Variants in TRIP13 observed in about 807,000 individuals in gnomAD.
The protein encoded by TRIP13 is thyroid hormone receptor interactor 13.
Under a neutral mutation model 54.4 loss-of-function variants are expected in TRIP13, and 25 were observed. The ratio of observed to expected loss-of-function variants is 0.46; its 90% CI spans 0.33 to 0.64. The LOEUF (loss-of-function observed/expected upper bound fraction) is 0.64, where lower values mean the gene tolerates loss of function less well. Ranked by LOEUF, TRIP13 falls within the 30% of genes least tolerant of loss-of-function variation. TRIP13 has a pLI of 0.02. For missense variants in TRIP13, 373 were observed against 534.2 expected, an observed-to-expected ratio of 0.70 and a Z score of 2.97; for synonymous variants, 207 against 207.8, an observed-to-expected ratio of 1.00 and a Z score of 0.03.
In TRIP13 at chr5:917,836, C is replaced by T. The variant is rs1388677203; in HGVS notation, c.*733C>T. 2.0e-5 allele frequency: 3 copies of T among 152,178 alleles called. No individual in the cohort carries two copies. Among genetic ancestry groups the T allele is most frequent in the African/African-American group, 4.8e-5 (2 of 41,484 alleles). 9.4% of individuals were successfully genotyped at this position (152,178 alleles called of 1,614,324 possible). Reference sequence around the variant, plus strand: ...GCCCACGGTTTTGTTTGTGCAATAACGTTATCACATTTCTAATGAGGATTC... The same window carrying T: ...GCCCACGGTTTTGTTTGTGCAATAATGTTATCACATTTCTAATGAGGATTC... On this transcript the variant is annotated 3_prime_UTR_variant, in exon 13 of 13. Coordinates refer to ENST00000166345, the MANE Select transcript of TRIP13 (RefSeq NM_004237.4).
Position 915,817 on chromosome 5 carries a change from A to G in TRIP13, c.1134-87A>G. The G allele has an allele frequency of 6.9e-7, 1 of 1,440,522 alleles. No individual in the cohort carries two copies. The highest frequency in any genetic ancestry group is 1.2e-5 in the South Asian group (1 of 86,868). 89.2% of individuals were successfully genotyped at this position (1,440,522 alleles called of 1,614,324 possible). On this transcript the variant is annotated intron_variant, in intron 11 of 12. Transcript: ENST00000166345. This position sits in a 1 kb window ranked among gnomAD's most constrained non-coding sequence, Gnocchi z 4.2. Reference sequence around the variant, plus strand: ...TTGGGACGCCTCGGCTTGTGTTCCCAGGGATGCCTCGGCCAATGAGGAAAA... The same window carrying G: ...TTGGGACGCCTCGGCTTGTGTTCCCGGGGATGCCTCGGCCAATGAGGAAAA...
intron 3 of TRIP13, among the ~76,000 whole-genome samples, chr5:900,064 A>G (rs1045622599): frequency 6.6e-6 from 1 of 152,278 alleles, no homozygotes; most frequent in African/African-American, 2.4e-5. Context: ...GTAAGTGGCT[A>G]TGATCATAAA....
Position 908,754 on chromosome 5 carries a change from T to G in TRIP13, c.866+293T>G. On this transcript the variant is annotated intron_variant, in intron 9 of 12. Transcript: ENST00000166345. This position sits in a 1 kb window ranked among gnomAD's most constrained non-coding sequence, Gnocchi z 5.2. ...CAGGCGGATCACAAGGTCAGTAGAT[T>G]GAGACCATCCTGGCTGACACGGTGA... The G allele has an allele frequency of 3.5e-6, 3 of 854,606 alleles. No homozygotes were observed. Among genetic ancestry groups the G allele is most frequent in the South Asian group, 2.1e-5 (1 of 46,586 alleles). 52.9% of individuals were successfully genotyped at this position (854,606 alleles called of 1,614,324 possible). A position where few individuals can be genotyped will look rare whatever the true frequency, so the allele number is the denominator to read the frequency against.
rs578223539 is a variant in TRIP13, at chr5:913,842, T to C, written c.1021-623T>C. Among the ~76,000 whole-genome samples, 1 of 152,318 alleles carries C rather than the reference T, an allele frequency of 6.6e-6. No individual in the cohort carries two copies. Among genetic ancestry groups the C allele is most frequent in the East Asian group, 1.9e-4 (1 of 5,184 alleles). ...ACAATGCTATTTTCTTCCTTCTCCT[T>C]GTTCCTGAGTCAGAACGGTTCGTAT... is the stretch of plus-strand genomic sequence containing the variant. On this transcript the variant is annotated intron_variant, in intron 10 of 12. Coordinates refer to ENST00000166345, the MANE Select transcript of TRIP13 (RefSeq NM_004237.4). The surrounding 1 kb of genome is among the most constrained non-coding windows in gnomAD (Gnocchi z 4.5).
intron 3 of TRIP13, 118 bp from the exon 4 acceptor site, chr5:900,376 T>C: frequency 1.0e-6 from 1 of 957,066 alleles, no homozygotes; most frequent in Non-Finnish European, 1.6e-6. Flanking sequence ...ATCAGAATCA[T>C]AGTCTTGCCT....
chr5:904,619 C>G (rs73020936), intron 6 of TRIP13, among the ~76,000 whole-genome samples: 4,639 of 152,192 alleles, frequency 0.03, 234 homozygotes, highest in African/African-American at 0.1. Flanking sequence ...ATCTGGGACT[C>G]TGTCTGCTTT....
Position 896,776 on chromosome 5 carries a change from C to T in TRIP13, c.370C>T (p.His124Tyr), listed in dbSNP as rs748615710. Residue 124 changes from histidine (H) to tyrosine (Y), a missense_variant, in exon 3 of 13, where the codon CAC (histidine) becomes TAC (tyrosine). Transcript: ENST00000166345. ...EETENIIAANHWVLPAAEFHG... is the reference protein window; with the variant it reads ...EETENIIAANYWVLPAAEFHG... ...GACAGAAAACATAATTGCAGCAAAT[C>T]ACTGGGTTCTACCTGCAGGTATGGG... 10 of 1,613,524 alleles carry T rather than the reference C, an allele frequency of 6.2e-6. No homozygotes were observed. The highest frequency in any genetic ancestry group is 1.7e-5 in the Admixed American group (1 of 59,994).
At chr5:916,794 G>C (rs916565622) in intron 12 of TRIP13, among the ~76,000 whole-genome samples, 6 of 152,192 alleles carry the variant, frequency 3.9e-5, no homozygotes, top group African/African-American at 1.2e-4. Context: ...GGCGGGGGCG[G>C]GGGTCACGTA....
At position 904,229 on chromosome 5, in the gene TRIP13, C is replaced by T. The variant is rs138877597; in HGVS notation, c.608+9C>T. On this transcript the variant is annotated intron_variant, in intron 6 of 12. Coordinates refer to ENST00000166345, the MANE Select transcript of TRIP13 (RefSeq NM_004237.4). ...ATTAGACTTTCAAGCAGGTAACTTT[C>T]GGTAATCTGTGAGAGGAGAGCCATG... 22 of 1,603,126 alleles carry T rather than the reference C, an allele frequency of 1.4e-5. No individual in the cohort carries two copies. The highest frequency in any genetic ancestry group is 2.3e-5 in the South Asian group (2 of 88,562).
At position 895,082 on chromosome 5, in the gene TRIP13, C is replaced by T. The variant is rs1753886769; in HGVS notation, c.258+130C>T. Reference sequence around the variant, plus strand: ...TTCTCTGTTGGTTTGGGTGGCTAGACAAGTTCTTTTCACTAGCTGTCAGGA... The same window carrying T: ...TTCTCTGTTGGTTTGGGTGGCTAGATAAGTTCTTTTCACTAGCTGTCAGGA... On this transcript the variant is annotated intron_variant, in intron 2 of 12. Transcript: ENST00000166345. 6.7e-6 allele frequency: 7 copies of T among 1,048,792 alleles called. 1 individual carries two copies. The highest frequency in any genetic ancestry group is 3.2e-5 in the African/African-American group (2 of 62,594). The allele number at this position is 1,048,792 out of a possible 1,614,324, so 65.0% of individuals were successfully genotyped here. A position where few individuals can be genotyped will look rare whatever the true frequency, so the allele number is the denominator to read the frequency against.
chr5:910,728 C>G lies in TRIP13; in HGVS notation c.867-1115C>G, dbSNP rs568148411. Among the ~76,000 whole-genome samples, 7 of 152,224 alleles carry G rather than the reference C, an allele frequency of 4.6e-5. No individual in the cohort carries two copies. The South Asian group carries it at 6.2e-4, about 14-fold the overall frequency. ...CTGTCCCCCACCAGTCCTGTCCACTCCCGCATCTCTGGATTGTCAGCCCCT... is the reference window on the plus strand; with the variant it reads ...CTGTCCCCCACCAGTCCTGTCCACTGCCGCATCTCTGGATTGTCAGCCCCT... On this transcript the variant is annotated intron_variant, in intron 9 of 12. Transcript: ENST00000166345.
At chr5:909,598 C>A (rs1287715463) in intron 9 of TRIP13, among the ~76,000 whole-genome samples, 1 of 152,202 alleles carries the variant, frequency 6.6e-6, no homozygotes, top group African/African-American at 2.4e-5. Context: ...TAAAGACACA[C>A]ACACACACAA....
In TRIP13 at chr5:916,983, C is replaced by A. The variant is rs374394649; in HGVS notation, c.1204-25C>A. 1.2e-5 allele frequency: 19 copies of A among 1,607,868 alleles called. No homozygotes were observed. The African/African-American group carries it at 2.1e-4, about 18-fold the overall frequency. ...CCCACCAAACGTGAGTTGAGCCCCT[C>A]CAGCAATGACCGTGTACCTTCTAGG... On this transcript the variant is annotated intron_variant, in intron 12 of 12. Transcript: ENST00000166345.
rs1225045384 is a variant in TRIP13, at chr5:913,210, C to T, written c.1020+1214C>T. Among the ~76,000 whole-genome samples, 1 of 152,210 alleles carries T rather than the reference C, an allele frequency of 6.6e-6. No homozygotes were observed. Among genetic ancestry groups the T allele is most frequent in the Non-Finnish European group, 1.5e-5 (1 of 68,044 alleles). The stretch of plus-strand genomic sequence containing the variant: ...CGAGGAAGTCGTGTGTGTTGGAGGT[C>T]CTCACGCACCTTCAGTGTGGGTTCC... On this transcript the variant is annotated intron_variant, in intron 10 of 12. Transcript: ENST00000166345. The surrounding 1 kb of genome is among the most constrained non-coding windows in gnomAD (Gnocchi z 4.5).
At position 908,553 on chromosome 5, in the gene TRIP13, G is replaced by A. The variant is rs1754165621; in HGVS notation, c.866+92G>A. 6.4e-7 allele frequency: 1 copy of A among 1,561,772 alleles called. No homozygotes were observed. The highest frequency in any genetic ancestry group is 8.7e-7 in the Non-Finnish European group (1 of 1,152,188). On this transcript the variant is annotated intron_variant, in intron 9 of 12. Coordinates refer to ENST00000166345, the MANE Select transcript of TRIP13 (RefSeq NM_004237.4). The surrounding 1 kb of genome is among the most constrained non-coding windows in gnomAD (Gnocchi z 5.2). ...TACTTGTGCAACCCTAGATCTTAGT[G>A]CCCAGCTCTTTCACCGGAAAGTGCA...
chr5:908,275 G>C lies in TRIP13; in HGVS notation c.760-80G>C. ...ACCCATTCATTCATCTTTTTCACGT[G>C]CTCAGCGGGACGTATCCCCATAGCT... On this transcript the variant is annotated intron_variant, in intron 8 of 12. Coordinates refer to ENST00000166345, the MANE Select transcript of TRIP13 (RefSeq NM_004237.4). This position sits in a 1 kb window ranked among gnomAD's most constrained non-coding sequence, Gnocchi z 5.2. The C allele has an allele frequency of 1.3e-6, 2 of 1,520,312 alleles. No homozygotes were observed. The highest frequency in any genetic ancestry group is 1.8e-6 in the Non-Finnish European group (2 of 1,106,298). 94.2% of individuals were successfully genotyped at this position (1,520,312 alleles called of 1,614,324 possible).
Position 911,788 on chromosome 5 carries a change from A to G in TRIP13, c.867-55A>G. 6.4e-7 allele frequency: 1 copy of G among 1,569,100 alleles called. No individual in the cohort carries two copies. Among genetic ancestry groups the G allele is most frequent in the Non-Finnish European group, 8.6e-7 (1 of 1,157,258 alleles). ...CTCCTTGCCAGATAGGGCAGGATAG[A>G]ATTGGGTCACCGACAGCCGTGATGA... On this transcript the variant is annotated intron_variant, in intron 9 of 12. Transcript: ENST00000166345. The surrounding 1 kb of genome is among the most constrained non-coding windows in gnomAD (Gnocchi z 4.7).
At chr5:910,322 C>T (rs781647990) in intron 9 of TRIP13, among the ~76,000 whole-genome samples, 1 of 152,226 alleles carries the variant, frequency 6.6e-6, no homozygotes, top group Non-Finnish European at 1.5e-5. Flanking sequence ...GCTGGCGTCT[C>T]TCCGCAGGGA....
intron 1 of TRIP13, among the ~76,000 whole-genome samples, chr5:894,487 G>C (rs1753852070): frequency 6.6e-6 from 1 of 152,200 alleles, no homozygotes; most frequent in Non-Finnish European, 1.5e-5. Flanking sequence ...TATGTGCCAG[G>C]TATCGTCCTA....
Sources: gnomAD v4.1 joint callset for allele counts (sites outside exome capture counted in the v4.1 genomes callset) on GRCh38, gnomAD v4.1.1 for gene constraint, Gnocchi (gnomAD v3.1) non-coding constraint, MANE v1.5 for transcripts, NCBI Gene and HGNC (gene_info 2026-07-23, HGNC 2026-07-21) for gene names.